Variants in FGF6 observed in about 807,000 individuals in gnomAD.
FGF6 encodes the protein FGF-6.
In FGF6, 14 loss-of-function variants were observed where a neutral mutation model predicts 18.4. The observed-to-expected ratio is 0.76, with a 90% CI of 0.50 to 1.19. FGF6 has a LOEUF of 1.19. Among genes scored for constraint, FGF6 ranks in the 50% most tolerant of loss-of-function variants. The probability of loss-of-function intolerance (pLI) is 0.00; values close to 1 mark genes in which losing one functional copy is unlikely to be tolerated. For synonymous variants in FGF6, 125 were observed against 116.7 expected, an observed-to-expected ratio of 1.07 and a Z score of -0.46; for missense variants, 266 against 271.6, an observed-to-expected ratio of 0.98 and a Z score of 0.15.
intron 2 of FGF6, among the ~76,000 whole-genome samples, chr12:4,435,846 C>T (rs1049757855): frequency 6.6e-6 from 1 of 152,128 alleles, no homozygotes; most frequent in East Asian, 1.9e-4. Context: ...TGCAACCTGC[C>T]TGGGTGGCTG....
intron 2 of FGF6, among the ~76,000 whole-genome samples, chr12:4,441,539 G>A (rs1865690906): frequency 1.3e-5 from 2 of 152,136 alleles, no homozygotes; most frequent in African/African-American, 2.4e-5. Context: ...TGTCTAAAGG[G>A]GGGCCTGGCA....
intron 2 of FGF6, among the ~76,000 whole-genome samples, chr12:4,438,004 A>T (rs956190733): frequency 1.4e-4 from 21 of 152,328 alleles, no homozygotes; most frequent in South Asian, 4.1e-4. Context: ...GAAATGGTAA[A>T]CTGGATGAAA....
chr12:4,440,490 AAAAT>A (rs1351411394), intron 2 of FGF6, among the ~76,000 whole-genome samples: 1 of 152,226 alleles, frequency 6.6e-6, no homozygotes, highest in Non-Finnish European at 1.5e-5. Context: ...GCAAGAAGGA[AAAAT>A]AAACCAATTC....
At chr12:4,443,789 G>A (rs1051446658) in intron 2 of FGF6, among the ~76,000 whole-genome samples, 6 of 152,184 alleles carry the variant, frequency 3.9e-5, no homozygotes, top group Non-Finnish European at 5.9e-5. Context: ...ACTTGCTCTC[G>A]GGGCCTCGCC....
intron 1 of FGF6, among the ~76,000 whole-genome samples, chr12:4,444,936 G>A (rs1449429529): frequency 1.3e-5 from 2 of 152,198 alleles, no homozygotes; most frequent in African/African-American, 4.8e-5. Context: ...GGGCTTCCCA[G>A]ACTAATGGTT....
intron 2 of FGF6, among the ~76,000 whole-genome samples, chr12:4,438,005 C>G (rs1469560401): frequency 2.0e-5 from 3 of 151,966 alleles, no homozygotes; most frequent in African/African-American, 7.3e-5. Context: ...AAATGGTAAA[C>G]TGGATGAAAA....
intron 2 of FGF6, among the ~76,000 whole-genome samples, chr12:4,441,021 C>T (rs1444110512): frequency 6.6e-6 from 1 of 152,330 alleles, no homozygotes; most frequent in African/African-American, 2.4e-5. Flanking sequence ...ATACTGTTGA[C>T]GAAAAGCATG....
chr12:4,434,340 A>G lies in FGF6; in HGVS notation c.502T>C (p.Tyr168His). Residue 168 changes from tyrosine (Y) to histidine (H), a missense_variant, in exon 3 of 3, where the codon TAC becomes CAC. Physicochemically the swap from Tyr to His is moderately conservative, Grantham distance 83. Coordinates refer to ENST00000228837, the MANE Select transcript of FGF6 (RefSeq NM_020996.3). ...KFRETLLPNN[Y>H]NAYESDLYQG... The stretch of plus-strand genomic sequence containing the variant: ...TACAAGTCTGACTCGTAGGCATTGT[A>G]ATTGTTGGGCAGGAGGGTTTCTCTG... 2 of 1,614,054 alleles carry G rather than the reference A, an allele frequency of 1.2e-6. No individual in the cohort carries two copies. The highest frequency in any genetic ancestry group is 1.7e-6 in the Non-Finnish European group (2 of 1,180,022).
intron 2 of FGF6, among the ~76,000 whole-genome samples, chr12:4,442,470 A>C (rs892955522): frequency 6.6e-6 from 1 of 152,154 alleles, no homozygotes; most frequent in Non-Finnish European, 1.5e-5. Flanking sequence ...GGAAGAAAAA[A>C]GTAATAAATG....
Position 4,434,261 on chromosome 12 carries a change from T to G in FGF6, c.581A>C (p.Lys194Thr). Residue 194 changes from lysine to threonine, a missense_variant, in exon 3 of 3, where the codon AAG (lysine) becomes ACG (threonine). Lys to Thr is a moderately conservative substitution (Grantham distance 78, BLOSUM62 -1). Transcript: ENST00000228837. ...AGTGACAGTCATGATCGGGGACACC[T>G]TGCTGCCCCGCTTTACCCGTCCGTA... is the stretch of plus-strand genomic sequence containing the variant. ...SKYGRVKRGS[K>T]VSPIMTVTHF... 6.2e-7 allele frequency: 1 copy of G among 1,614,188 alleles called. No homozygotes were observed. The highest frequency in any genetic ancestry group is 8.5e-7 in the Non-Finnish European group (1 of 1,180,018).
chr12:4,442,737 C>T (rs933411754), intron 2 of FGF6, among the ~76,000 whole-genome samples: 2 of 152,178 alleles, frequency 1.3e-5, no homozygotes, highest in African/African-American at 4.8e-5. Context: ...TTCCTGTCCT[C>T]GCCATCACTT....
chr12:4,435,929 C>T (rs568251613), intron 2 of FGF6, among the ~76,000 whole-genome samples: 19 of 151,752 alleles, frequency 1.3e-4, no homozygotes, highest in East Asian at 1.2e-3. Flanking sequence ...GAACAGAGAG[C>T]GAGGTGGGAG....
chr12:4,440,898 T>A (rs1865682446), intron 2 of FGF6, among the ~76,000 whole-genome samples: 1 of 151,638 alleles, frequency 6.6e-6, no homozygotes, highest in Non-Finnish European at 1.5e-5. Context: ...CAGATAATAA[T>A]GTAATGCCCC....
chr12:4,435,629 G>C (rs887959506), intron 2 of FGF6, among the ~76,000 whole-genome samples: 2 of 152,194 alleles, frequency 1.3e-5, no homozygotes, highest in Admixed American at 6.5e-5. Context: ...CAATGTGACA[G>C]GTGAGGCCAA....
chr12:4,440,623 A>G (rs538431675), intron 2 of FGF6, among the ~76,000 whole-genome samples: 1 of 152,302 alleles, frequency 6.6e-6, no homozygotes, highest in South Asian at 2.1e-4. Flanking sequence ...ACACAATTGA[A>G]CTGTTGATTT....
intron 2 of FGF6, among the ~76,000 whole-genome samples, chr12:4,439,997 C>A (rs922154958): frequency 2.6e-5 from 4 of 152,224 alleles, no homozygotes; most frequent in African/African-American, 9.6e-5. Context: ...CCCCTTAATT[C>A]ATCTTCATCA....
chr12:4,444,299 C>T (rs554179923), intron 1 of FGF6, 63 bp from the exon 2 acceptor site: 18 of 1,092,138 alleles, frequency 1.6e-5, no homozygotes, highest in South Asian at 5.3e-5. Flanking sequence ...GAACTTGAGC[C>T]GACAAGGGCA....
chr12:4,440,800 C>T (rs980438346), intron 2 of FGF6, among the ~76,000 whole-genome samples: 2 of 152,194 alleles, frequency 1.3e-5, no homozygotes, highest in African/African-American at 4.8e-5. Context: ...GGTGGGTGTC[C>T]TTCATCCCAT....
chr12:4,440,784 C>T (rs1035139008), intron 2 of FGF6, among the ~76,000 whole-genome samples: 1 of 152,246 alleles, frequency 6.6e-6, no homozygotes, highest in Admixed American at 6.5e-5. Context: ...CCCAGCACTT[C>T]CTCATGGTGG....
Sources: gnomAD v4.1 joint callset for allele counts (sites outside exome capture counted in the v4.1 genomes callset) on GRCh38, gnomAD v4.1.1 for gene constraint, MANE v1.5 for transcripts, NCBI Gene and HGNC (gene_info 2026-07-23, HGNC 2026-07-21) for gene names.